Variants in TRIP4 observed in about 807,000 individuals in gnomAD.
TRIP4 encodes the protein thyroid hormone receptor interactor 4.
In TRIP4, 54 loss-of-function variants were observed where a neutral mutation model predicts 81.8. That is an observed-to-expected ratio of 0.66 (90% CI 0.53 to 0.83). The LOEUF (loss-of-function observed/expected upper bound fraction) is 0.83, where lower values mean the gene tolerates loss of function less well. Ranked by LOEUF, TRIP4 falls within the 40% of genes least tolerant of loss-of-function variation. TRIP4 has a pLI of 0.00. For synonymous variants in TRIP4, 270 were observed against 242.8 expected (o/e 1.11, Z -1.04); for missense variants, 662 against 683.6 (o/e 0.97, Z 0.35).
intron 11 of TRIP4, among the ~76,000 whole-genome samples, chr15:64,432,204 G>T (rs1176907195): frequency 1.3e-5 from 2 of 151,492 alleles, no homozygotes; most frequent in African/African-American, 4.8e-5. Context: ...GTTTTCTGTT[G>T]TACTTATCCT....
At chr15:64,411,481 A>G (rs1329312967) in intron 7 of TRIP4, among the ~76,000 whole-genome samples, 3 of 152,140 alleles carry the variant, frequency 2.0e-5, no homozygotes, top group African/African-American at 7.2e-5. Context: ...TCTAAAAAAT[A>G]AAGCCTAAGG....
At chr15:64,400,413 A>G (rs1891467917) in intron 4 of TRIP4, among the ~76,000 whole-genome samples, 3 of 151,226 alleles carry the variant, frequency 2.0e-5, no homozygotes, top group South Asian at 2.1e-4. Flanking sequence ...CACTCAAGCA[A>G]TCTGCCCACC....
At position 64,444,872 on chromosome 15, in the gene TRIP4, C is replaced by T. The variant is rs563931768; in HGVS notation, c.1576-134C>T. ...TGAAGGTTTGTTCTTGCTTGTTGAG[C>T]ATAATCCTCTTTACCTGTGAAATGG... On this transcript the variant is annotated intron_variant, in intron 11 of 12. Coordinates refer to ENST00000261884, the MANE Select transcript of TRIP4 (RefSeq NM_016213.5). 72 of 568,038 alleles carry T rather than the reference C, an allele frequency of 1.3e-4. 2 individuals carry two copies. The South Asian group carries it at 1.4e-3, about 11-fold the overall frequency. 35.2% of individuals were successfully genotyped at this position (568,038 alleles called of 1,614,324 possible).
At chr15:64,393,875 T>A (rs1046572592) in intron 1 of TRIP4, 71 bp from the exon 2 acceptor site, 5 of 1,415,432 alleles carry the variant, frequency 3.5e-6, no homozygotes, top group African/African-American at 1.5e-5. Flanking sequence ...ACTACCTAGA[T>A]CTCTGTTAAG....
chr15:64,420,726 G>GT (rs1420849175), intron 9 of TRIP4, among the ~76,000 whole-genome samples: 1 of 151,368 alleles, frequency 6.6e-6, no homozygotes, highest in African/African-American at 2.4e-5. Context: ...TAGAGATGGT[G>GT]TTTCACCGTG....
chr15:64,430,884 C>T (rs1284202578), intron 11 of TRIP4, among the ~76,000 whole-genome samples: 1 of 152,110 alleles, frequency 6.6e-6, no homozygotes, highest in African/African-American at 2.4e-5. Context: ...GACTTGTAGT[C>T]TTCCAATAGG....
intron 3 of TRIP4, among the ~76,000 whole-genome samples, chr15:64,396,889 G>T (rs1374269170): frequency 6.6e-6 from 1 of 152,160 alleles, no homozygotes; most frequent in Non-Finnish European, 1.5e-5. Flanking sequence ...TAATTCTTTT[G>T]TATCTTTGCT....
chr15:64,422,519 A>G (rs772920389), intron 9 of TRIP4, among the ~76,000 whole-genome samples: 2 of 152,190 alleles, frequency 1.3e-5, no homozygotes, highest in Non-Finnish European at 2.9e-5. Context: ...TCATGTCTGT[A>G]AACGCCATTA....
In TRIP4 at chr15:64,435,822, T is replaced by TAAA. The variant is rs57170652; in HGVS notation, c.1576-9165_1576-9163dup. 7.2e-3 allele frequency among the ~76,000 whole-genome samples: 476 copies of TAAA among 65,900 alleles called. 14 individuals are homozygous for TAAA. The highest frequency in any genetic ancestry group is 0.028 in the African/African-American group (414 of 14,736). The allele number at this position is 65,900 out of a possible 152,430, so 43.2% of individuals were successfully genotyped here. The stretch of plus-strand genomic sequence containing the variant: ...GAGGGGGAGTGTAAAGGAAGCTTCT[T>TAAA]AAAAAAAAAAAAAAAAAAAAAGACA... On this transcript the variant is annotated intron_variant, in intron 11 of 12. Transcript: ENST00000261884.
rs755854589 is a variant in TRIP4 at position 64,425,582 on chromosome 15, G to A, written c.1526G>A (p.Gly509Asp). The A allele has an allele frequency of 6.2e-7, 1 of 1,612,978 alleles. No individual in the cohort carries two copies. Among genetic ancestry groups the A allele is most frequent in the South Asian group, 1.1e-5 (1 of 90,792 alleles). ...GACTATCCGTCAGGTTGTCTTCTGG[G>A]CTGTGTGGACCTAATTGACTGCTTG... ...PNDYPSGCLL[G>D]CVDLIDCLSQ... Residue 509 changes from glycine (G) to aspartate (D), a missense_variant, in exon 11 of 13, where the codon GGC becomes GAC. Gly to Asp is a moderately conservative substitution (Grantham distance 94). Transcript: ENST00000261884.
At chr15:64,402,417 C>T (rs768798685) in intron 5 of TRIP4, among the ~76,000 whole-genome samples, 59 of 152,042 alleles carry the variant, frequency 3.9e-4, no homozygotes, top group South Asian at 2.3e-3. Flanking sequence ...GACAGGGTTT[C>T]TCCATGTTGG....
intron 3 of TRIP4, among the ~76,000 whole-genome samples, chr15:64,396,293 T>C (rs1596335981): frequency 1.7e-5 from 1 of 57,740 alleles, no homozygotes; most frequent in African/African-American, 4.2e-5. Flanking sequence ...TTTTTTTTTT[T>C]TGAGACGGAG....
chr15:64,430,030 A>G, intron 11 of TRIP4, among the ~76,000 whole-genome samples: 1 of 152,150 alleles, frequency 6.6e-6, no homozygotes, highest in Non-Finnish European at 1.5e-5. Context: ...TATTTTTGGC[A>G]TAGTGTGATC....
At position 64,395,447 on chromosome 15, in the gene TRIP4, G is replaced by A; in HGVS notation, c.321G>A (p.Lys107=). Residue 107 remains lysine, a synonymous_variant, in exon 3 of 13, where the codon AAG becomes AAA. Coordinates refer to ENST00000261884, the MANE Select transcript of TRIP4 (RefSeq NM_016213.5). Reference sequence around the variant, plus strand: ...GCGACCATCTAAAGCGGGGTAGGAAGAAAGGGAGAAACAGACAGGAAGTTC... The same window carrying A: ...GCGACCATCTAAAGCGGGGTAGGAAAAAAGGGAGAAACAGACAGGAAGTTC... The part of the protein sequence containing the change: ...KSGDHLKRGR[K]KGRNRQEVPA... 1 of 1,613,794 alleles carries A rather than the reference G, an allele frequency of 6.2e-7. No individual in the cohort carries two copies. The highest frequency in any genetic ancestry group is 8.5e-7 in the Non-Finnish European group (1 of 1,179,900).
At chr15:64,451,734 A>C (rs906914883) in intron 12 of TRIP4, among the ~76,000 whole-genome samples, 2 of 149,686 alleles carry the variant, frequency 1.3e-5, no homozygotes, top group Non-Finnish European at 3.0e-5. Flanking sequence ...GCTCACTGGA[A>C]CCTCCAACTC....
At chr15:64,409,492 C>A in intron 6 of TRIP4, 121 bp from the exon 7 acceptor site, 1 of 873,610 alleles carries the variant, frequency 1.1e-6, no homozygotes, top group Non-Finnish European at 1.8e-6. Flanking sequence ...AAAACATATG[C>A]AGAGCTTGAC....
intron 11 of TRIP4, among the ~76,000 whole-genome samples, chr15:64,439,020 T>C (rs1892460860): frequency 6.6e-6 from 1 of 152,238 alleles, no homozygotes; most frequent in Non-Finnish European, 1.5e-5. Context: ...ATTGGGTTAC[T>C]GGTATATGGG....
intron 8 of TRIP4, among the ~76,000 whole-genome samples, chr15:64,415,037 G>C (rs1437246960): frequency 6.6e-6 from 1 of 151,812 alleles, no homozygotes; most frequent in East Asian, 1.9e-4. Context: ...AGAGGTTGCA[G>C]TGAGCTATGA....
chr15:64,449,027 T>G (rs917777364), intron 12 of TRIP4, among the ~76,000 whole-genome samples: 5 of 151,992 alleles, frequency 3.3e-5, no homozygotes, highest in Non-Finnish European at 7.4e-5. Context: ...CTGAGTAACA[T>G]AGCGAGACCC....
Sources: allele counts gnomAD v4.1 joint callset (sites outside exome capture counted in the v4.1 genomes callset), GRCh38; gene constraint gnomAD v4.1.1; transcripts MANE v1.5; gene names NCBI Gene and HGNC (gene_info 2026-07-23, HGNC 2026-07-21).